Variants in C4orf51 observed in about 807,000 individuals in gnomAD.
C4orf51 encodes the protein chromosome 4 open reading frame 51.
Under a neutral mutation model 25.2 loss-of-function variants are expected in C4orf51, and 25 were observed. The ratio of observed to expected loss-of-function variants is 0.99; its 90% CI spans 0.72 to 1.39. The LOEUF (loss-of-function observed/expected upper bound fraction) is 1.39. C4orf51 is among the 40% of genes most tolerant of loss of function. The probability of loss-of-function intolerance (pLI) is 0.00; values close to 1 mark genes in which losing one functional copy is unlikely to be tolerated. For synonymous variants in C4orf51, 100 were observed against 84.5 expected (o/e 1.18, Z -1.01); for missense variants, 252 against 239.6 (o/e 1.05, Z -0.34).
At chr4:145,700,830 C>T (rs1011052371) in intron 2 of C4orf51, among the ~76,000 whole-genome samples, 14 of 152,134 alleles carry the variant, frequency 9.2e-5, no homozygotes, top group South Asian at 2.1e-4. Context: ...CCTCAGCCTC[C>T]ACTCCTCCAC....
At chr4:145,719,178 G>A (rs1159084369) in intron 2 of C4orf51, among the ~76,000 whole-genome samples, 1 of 152,168 alleles carries the variant, frequency 6.6e-6, no homozygotes, top group Admixed American at 6.5e-5. Context: ...TTGAACAATG[G>A]TTTTTATGGT....
the C4orf51 span, among the ~76,000 whole-genome samples, chr4:145,778,494 C>T: frequency 8.5e-5 from 13 of 152,186 alleles, no homozygotes. Context: ...CACCTGTAGT[C>T]CCAGCTACTC....
Position 145,680,190 on chromosome 4 carries a change from G to A in C4orf51, c.-14G>A, listed in dbSNP as rs1728734104. ...GACTTGACAAGTTGTTTTCCAGAGA[G>A]GCCGTTCGTAGTTATGTCACACTAC... On this transcript the variant is annotated 5_prime_UTR_variant, in exon 1 of 6. Coordinates refer to ENST00000438731, the MANE Select transcript of C4orf51 (RefSeq NM_001080531.3). 15 of 1,577,346 alleles carry A rather than the reference G, an allele frequency of 9.5e-6. No homozygotes were observed. In the East Asian group the frequency reaches 2.0e-4, roughly 21 times the overall value.
chr4:145,773,627 A>C (rs987923498), downstream of C4orf51, among the ~76,000 whole-genome samples: 10 of 152,224 alleles, frequency 6.6e-5, no homozygotes, highest in South Asian at 2.1e-4. Flanking sequence ...CACTTGTGAG[A>C]GTATAATTGC....
chr4:145,720,614 T>C (rs1731684745), intron 2 of C4orf51, among the ~76,000 whole-genome samples: 1 of 152,204 alleles, frequency 6.6e-6, no homozygotes, highest in African/African-American at 2.4e-5. Flanking sequence ...ACTGATTGCC[T>C]AGCAGAGACT....
chr4:145,717,151 C>T (rs921884660), intron 2 of C4orf51, among the ~76,000 whole-genome samples: 7 of 152,122 alleles, frequency 4.6e-5, no homozygotes, highest in African/African-American at 1.7e-4. Flanking sequence ...GCCTGCTAGA[C>T]CTGCTGAGCA....
At chr4:145,687,776 G>A (rs1729265204) in intron 1 of C4orf51, among the ~76,000 whole-genome samples, 1 of 152,170 alleles carries the variant, frequency 6.6e-6, no homozygotes, top group Non-Finnish European at 1.5e-5. Context: ...CTCATGGAAA[G>A]CCACAGGACA....
chr4:145,784,842 A>G, the C4orf51 span, among the ~76,000 whole-genome samples: 1 of 152,160 alleles, frequency 6.6e-6, no homozygotes, highest in Non-Finnish European at 1.5e-5. Flanking sequence ...ATACTTGTCT[A>G]ATGGTAACCT....
At chr4:145,768,326 G>T (rs1417617620) in intron 1 of C4orf51, among the ~76,000 whole-genome samples, 3 of 151,930 alleles carry the variant, frequency 2.0e-5, no homozygotes, top group Non-Finnish European at 4.4e-5. Flanking sequence ...CATCATGCCT[G>T]GCTAATTTTT....
At chr4:145,697,749 C>T (rs1183917070) in intron 2 of C4orf51, among the ~76,000 whole-genome samples, 3 of 152,178 alleles carry the variant, frequency 2.0e-5, no homozygotes, top group Non-Finnish European at 4.4e-5. Context: ...TCTCTTTATC[C>T]ATTCATTATT....
At chr4:145,764,757 A>T in intron 1 of C4orf51, 1 of 569,326 alleles carries the variant, frequency 1.8e-6, no homozygotes, top group Non-Finnish European at 3.1e-6. Flanking sequence ...TCTTGCCCTG[A>T]ATCCCGGGGT....
chr4:145,773,772 G>A (rs1736634589), downstream of C4orf51, among the ~76,000 whole-genome samples: 1 of 152,196 alleles, frequency 6.6e-6, no homozygotes, highest in Non-Finnish European at 1.5e-5. Flanking sequence ...AGGAGAATCT[G>A]GTTTTCTTTG....
At chr4:145,682,422 T>C (rs996032671) in intron 1 of C4orf51, among the ~76,000 whole-genome samples, 3 of 152,200 alleles carry the variant, frequency 2.0e-5, no homozygotes, top group African/African-American at 7.2e-5. Context: ...GCAAAAGCTA[T>C]TTGATTAAAA....
At chr4:145,776,445 A>G in the C4orf51 span, among the ~76,000 whole-genome samples, 1 of 150,354 alleles carries the variant, frequency 6.7e-6, no homozygotes, top group Non-Finnish European at 1.5e-5. Flanking sequence ...TGGGTGACGG[A>G]GATAAACCTT....
At chr4:145,738,457 A>ACCAT (rs1410346186) in intron 1 of C4orf51, among the ~76,000 whole-genome samples, 3 of 52,440 alleles carry the variant, frequency 5.7e-5, no homozygotes, top group Admixed American at 2.8e-4. Flanking sequence ...CTCGAAAAAA[A>ACCAT]ACATATATAT....
chr4:145,703,149 G>A (rs1322776821), intron 2 of C4orf51, among the ~76,000 whole-genome samples: 3 of 151,568 alleles, frequency 2.0e-5, no homozygotes, highest in Non-Finnish European at 4.4e-5. Flanking sequence ...AATCACAAAA[G>A]AAGTGAATAT....
chr4:145,777,120 C>T, the C4orf51 span, among the ~76,000 whole-genome samples: 1 of 152,198 alleles, frequency 6.6e-6, no homozygotes, highest in African/African-American at 2.4e-5. Context: ...TTCTTCTCTA[C>T]AAAATATGAG....
At chr4:145,715,323 A>T (rs1247160042) in intron 2 of C4orf51, among the ~76,000 whole-genome samples, 1 of 151,848 alleles carries the variant, frequency 6.6e-6, no homozygotes, top group Non-Finnish European at 1.5e-5. Context: ...CTCCCTCACC[A>T]CTCAGCTCTG....
intron 1 of C4orf51, among the ~76,000 whole-genome samples, chr4:145,739,389 T>C (rs752120746): frequency 6.6e-6 from 1 of 152,228 alleles, no homozygotes; most frequent in African/African-American, 2.4e-5. Flanking sequence ...ATCCCATAGA[T>C]TGTCTTGGTC....
Sources: allele counts gnomAD v4.1 joint callset (sites outside exome capture counted in the v4.1 genomes callset), GRCh38; gene constraint gnomAD v4.1.1; transcripts MANE v1.5; gene names NCBI Gene and HGNC (gene_info 2026-07-23, HGNC 2026-07-21).